LINGO2: variants seen among roughly 807,000 people sequenced by gnomAD.
LINGO2 encodes leucine-rich repeat and immunoglobulin-like domain-containing nogo receptor-interacting protein 2.
A neutral mutation model predicts 30.6 loss-of-function variants in LINGO2; 14 were observed. The ratio of observed to expected loss-of-function variants is 0.46; its 90% CI spans 0.30 to 0.72. The LOEUF (loss-of-function observed/expected upper bound fraction) is 0.72, where lower values mean the gene tolerates loss of function less well. Ranked by LOEUF, LINGO2 falls within the 30% of genes least tolerant of loss-of-function variation. The probability of loss-of-function intolerance (pLI) is 0.07; values close to 1 mark genes in which losing one functional copy is unlikely to be tolerated. For missense variants in LINGO2, 729 were observed against 751.7 expected (o/e 0.97, Z 0.35); for synonymous variants, 317 against 288.5 (o/e 1.10, Z -1.00).
intron 5 of LINGO2, among the ~76,000 whole-genome samples, chr9:27,991,771 ATT>A (rs1821410465): frequency 6.6e-6 from 1 of 152,218 alleles, no homozygotes; most frequent in South Asian, 2.1e-4. Flanking sequence ...AGAAATATGC[ATT>A]ATTTTATGTC....
At chr9:28,224,522 T>C (rs1821081677) in intron 4 of LINGO2, among the ~76,000 whole-genome samples, 1 of 152,202 alleles carries the variant, frequency 6.6e-6, no homozygotes, top group Admixed American at 6.5e-5. Context: ...ATTTGGAGAA[T>C]TATCTTACAG....
intron 4 of LINGO2, among the ~76,000 whole-genome samples, chr9:28,211,435 T>C (rs1368061041): frequency 2.0e-5 from 3 of 151,314 alleles, no homozygotes; most frequent in Non-Finnish European, 4.4e-5. Flanking sequence ...TGTACTGCCA[T>C]GGTTTTCCTG....
chr9:28,700,415 T>C, the LINGO2 span, among the ~76,000 whole-genome samples: 6 of 152,108 alleles, frequency 3.9e-5, no homozygotes, highest in African/African-American at 1.4e-4. Flanking sequence ...TCAAATTTGC[T>C]TCTTTCACTT....
intron 2 of LINGO2, among the ~76,000 whole-genome samples, chr9:28,457,067 T>C (rs950678619): frequency 4.6e-5 from 7 of 152,130 alleles, no homozygotes; most frequent in Non-Finnish European, 8.8e-5. Context: ...AAATCATAAG[T>C]GAACATGATC....
At chr9:29,115,421 T>C in the LINGO2 span, among the ~76,000 whole-genome samples, 1 of 152,056 alleles carries the variant, frequency 6.6e-6, no homozygotes, top group Admixed American at 6.6e-5. Flanking sequence ...AACACCAATC[T>C]TGAGTTTACC....
chr9:28,829,354 G>C, the LINGO2 span, among the ~76,000 whole-genome samples: 1 of 152,084 alleles, frequency 6.6e-6, no homozygotes, highest in Non-Finnish European at 1.5e-5. Context: ...CCTGGACAAC[G>C]GACAAGAACT....
chr9:28,859,113 T>C, the LINGO2 span, among the ~76,000 whole-genome samples: 8 of 152,226 alleles, frequency 5.3e-5, no homozygotes, highest in South Asian at 1.7e-3. Flanking sequence ...CTTTACATCT[T>C]AGTTGTTTTT....
intron 3 of LINGO2, among the ~76,000 whole-genome samples, chr9:28,361,248 AT>A (rs1250969541): frequency 1.2e-4 from 18 of 152,306 alleles, no homozygotes; most frequent in Admixed American, 1.2e-3. Context: ...TGATGATGGT[AT>A]GTCATTATAA....
chr9:29,007,842 A>T, the LINGO2 span, among the ~76,000 whole-genome samples: 1 of 152,080 alleles, frequency 6.6e-6, no homozygotes, highest in Admixed American at 6.6e-5. Flanking sequence ...AAAATCTACA[A>T]TTTCTTAAGA....
the LINGO2 span, among the ~76,000 whole-genome samples, chr9:28,717,359 A>G: frequency 2.7e-5 from 4 of 150,010 alleles, no homozygotes; most frequent in South Asian, 8.4e-4. Context: ...AAAAAAAAAA[A>G]GATGAAGGGG....
the LINGO2 span, among the ~76,000 whole-genome samples, chr9:29,113,319 T>C: frequency 6.6e-6 from 1 of 152,196 alleles, no homozygotes; most frequent in Non-Finnish European, 1.5e-5. Context: ...AGTGGAAGAA[T>C]GGTGAAACCT....
chr9:28,569,451 G>T (rs1823563170), intron 1 of LINGO2, among the ~76,000 whole-genome samples: 1 of 151,302 alleles, frequency 6.6e-6, no homozygotes, highest in African/African-American at 2.4e-5. Context: ...ATATTATTCA[G>T]CCTTCAACAA....
At chr9:28,683,414 G>T in the LINGO2 span, among the ~76,000 whole-genome samples, 1 of 151,936 alleles carries the variant, frequency 6.6e-6, no homozygotes, top group Admixed American at 6.6e-5. Flanking sequence ...TTCATGGGAT[G>T]ATCATAGTAT....
chr9:28,189,285 G>GAGGA lies in LINGO2; in HGVS notation c.-87+105922_-87+105923insTCCT, dbSNP rs1564028669. On this transcript the variant is annotated intron_variant, in intron 4 of 5. Coordinates refer to ENST00000379992, the Ensembl canonical transcript of LINGO2. ...GAAGGGAGGGAGGAAGGGAGGGAGG[G>GAGGA]AGGGAGGAAGGAAGGAAGGGAGGAA... Among the ~76,000 whole-genome samples, 14 of 28,148 alleles carry GAGGA rather than the reference G, an allele frequency of 5.0e-4. 1 individual carries two copies. Among genetic ancestry groups the GAGGA allele is most frequent in the Non-Finnish European group, 6.3e-4 (9 of 14,388 alleles). The allele number at this position is 28,148 out of a possible 152,430, so 18.5% of individuals were successfully genotyped here. A position where few individuals can be genotyped will look rare whatever the true frequency, so the allele number is the denominator to read the frequency against.
At chr9:28,176,760 G>A (rs953268703) in intron 4 of LINGO2, among the ~76,000 whole-genome samples, 4 of 152,106 alleles carry the variant, frequency 2.6e-5, no homozygotes, top group African/African-American at 9.7e-5. Flanking sequence ...CTTGATTGAT[G>A]GTTTGATATA....
At chr9:28,760,275 G>T in the LINGO2 span, among the ~76,000 whole-genome samples, 1 of 151,982 alleles carries the variant, frequency 6.6e-6, no homozygotes, top group Non-Finnish European at 1.5e-5. Context: ...ACCTTGTATT[G>T]TCAGTCAAGT....
the LINGO2 span, among the ~76,000 whole-genome samples, chr9:28,737,577 A>C: frequency 6.6e-6 from 1 of 152,188 alleles, no homozygotes; most frequent in South Asian, 2.1e-4. Flanking sequence ...CGGCAGAGCA[A>C]GTATTCTACT....
At chr9:28,528,209 G>A (rs951622783) in intron 1 of LINGO2, among the ~76,000 whole-genome samples, 1 of 152,122 alleles carries the variant, frequency 6.6e-6, no homozygotes, top group Non-Finnish European at 1.5e-5. Flanking sequence ...CAACTTCTGA[G>A]AAAATTACTT....
At chr9:28,377,315 G>A (rs1259667316) in intron 2 of LINGO2, among the ~76,000 whole-genome samples, 2 of 151,924 alleles carry the variant, frequency 1.3e-5, no homozygotes. Context: ...CTTTATGATG[G>A]TCCAGTTTTA....
Sources: allele counts gnomAD v4.1 joint callset (sites outside exome capture counted in the v4.1 genomes callset), GRCh38; gene constraint gnomAD v4.1.1; transcripts MANE v1.5; gene names NCBI Gene and HGNC (gene_info 2026-07-23, HGNC 2026-07-21).